MSRB3: variants seen among roughly 807,000 people sequenced by gnomAD.
MSRB3 encodes the protein methionine sulfoxide reductase B3, also known as methionine-R-sulfoxide reductase B3.
MSRB3 carries 13 observed loss-of-function variants against 21.0 expected under a neutral mutation model. That is an observed-to-expected ratio of 0.62 (90% CI 0.40 to 0.98). The LOEUF (loss-of-function observed/expected upper bound fraction) is 0.98. MSRB3 is among the 50% of genes least tolerant of loss of function. MSRB3 has a pLI of 0.00. For missense variants in MSRB3, 199 were observed against 230.3 expected (o/e 0.86, Z 0.88); for synonymous variants, 87 against 88.6 (o/e 0.98, Z 0.10).
At chr12:65,391,741 A>G (rs1879493575) in intron 5 of MSRB3, among the ~76,000 whole-genome samples, 1 of 152,222 alleles carries the variant, frequency 6.6e-6, no homozygotes, top group Non-Finnish European at 1.5e-5. Flanking sequence ...TTCACTAAAT[A>G]TTTTTAACCT....
intron 5 of MSRB3, among the ~76,000 whole-genome samples, chr12:65,428,954 C>A (rs1216281754): frequency 1.3e-5 from 2 of 152,070 alleles, no homozygotes; most frequent in African/African-American, 4.8e-5. Flanking sequence ...TAAAACAGCT[C>A]TCTTATGATT....
Position 65,349,729 on chromosome 12 carries a change from G to A in MSRB3, c.264-19269G>A, listed in dbSNP as rs1183322922. ...CTTCTTTTGAGAAGTGTCTGTTCATGTCCTTCACCCACTTTTTGATGGGGT... is the reference window on the plus strand; with the variant it reads ...CTTCTTTTGAGAAGTGTCTGTTCATATCCTTCACCCACTTTTTGATGGGGT... On this transcript the variant is annotated intron_variant, in intron 4 of 6. Transcript: ENST00000308259. 7.3e-5 allele frequency among the ~76,000 whole-genome samples: 11 copies of A among 150,386 alleles called. No homozygotes were observed. The East Asian group carries it at 7.7e-4, about 11-fold the overall frequency.
At chr12:65,337,313 A>G (rs1875840571) in intron 4 of MSRB3, among the ~76,000 whole-genome samples, 1 of 151,540 alleles carries the variant, frequency 6.6e-6, no homozygotes. Flanking sequence ...GCATGCCTGT[A>G]GTCTCAGCTA....
At chr12:65,304,171 T>C (rs1455846242) in intron 1 of MSRB3, among the ~76,000 whole-genome samples, 1 of 152,214 alleles carries the variant, frequency 6.6e-6, no homozygotes, top group Non-Finnish European at 1.5e-5. Context: ...CAGCCATATC[T>C]ATTGAAGACT....
intron 6 of MSRB3, among the ~76,000 whole-genome samples, chr12:65,455,581 T>C (rs1381496052): frequency 6.6e-6 from 1 of 152,160 alleles, no homozygotes; most frequent in Non-Finnish European, 1.5e-5. Context: ...TAAACTTGGG[T>C]CAGCTTATGT....
chr12:65,318,269 A>G (rs1874431944), intron 2 of MSRB3, among the ~76,000 whole-genome samples: 1 of 152,114 alleles, frequency 6.6e-6, no homozygotes, highest in Non-Finnish European at 1.5e-5. Flanking sequence ...TGAGTTTTTG[A>G]CAATATATAT....
chr12:65,278,693 C>A lies in MSRB3; in HGVS notation c.-224C>A. 2 of 1,314,832 alleles carry A rather than the reference C, an allele frequency of 1.5e-6. No homozygotes were observed. The highest frequency in any genetic ancestry group is 1.5e-5 in the African/African-American group (1 of 68,872). 81.4% of individuals were successfully genotyped at this position (1,314,832 alleles called of 1,614,324 possible). On this transcript the variant is annotated 5_prime_UTR_variant, in exon 1 of 7. Transcript: ENST00000308259. ...CAGGAATTTCCCGTCATGCCTCCCGCCGCCCCGTCCGTCGCCCGGAGCCGG... is the reference window on the plus strand; with the variant it reads ...CAGGAATTTCCCGTCATGCCTCCCGACGCCCCGTCCGTCGCCCGGAGCCGG...
rs538912347 is a variant in MSRB3 at position 65,327,162 on chromosome 12, A to G, written c.185+228A>G. On this transcript the variant is annotated intron_variant, in intron 3 of 6. Coordinates refer to ENST00000308259, the MANE Select transcript of MSRB3 (RefSeq NM_001031679.3). ...CTGCATATCTGATATAAAGTCACAA[A>G]GCTTTTGTTAAGGGCCTGTTTTTAG... Among the ~76,000 whole-genome samples the G allele has an allele frequency of 5.6e-4, 85 of 152,352 alleles. No individual in the cohort carries two copies. The Middle Eastern group carries it at 0.01, about 18-fold the overall frequency.
chr12:65,452,087 A>G (rs767998404), intron 5 of MSRB3, among the ~76,000 whole-genome samples: 1 of 152,176 alleles, frequency 6.6e-6, no homozygotes, highest in Non-Finnish European at 1.5e-5. Context: ...CTCCATACCT[A>G]TTTTGAACTC....
intron 5 of MSRB3, among the ~76,000 whole-genome samples, chr12:65,380,925 G>A (rs1010343503): frequency 1.3e-5 from 2 of 152,082 alleles, no homozygotes; most frequent in Admixed American, 1.3e-4. Context: ...TGCTTTTTTA[G>A]TCATACACCC....
At chr12:65,416,811 T>C (rs1881003298) in intron 5 of MSRB3, among the ~76,000 whole-genome samples, 1 of 152,206 alleles carries the variant, frequency 6.6e-6, no homozygotes, top group Non-Finnish European at 1.5e-5. Flanking sequence ...GTGACACTTA[T>C]GATAGGAATA....
intron 4 of MSRB3, among the ~76,000 whole-genome samples, chr12:65,348,421 C>T (rs1438512350): frequency 3.3e-5 from 5 of 152,052 alleles, no homozygotes; most frequent in Admixed American, 1.3e-4. Context: ...TCTGTGGGAT[C>T]GGTGGTGACA....
At chr12:65,366,853 G>A (rs1019301333) in intron 4 of MSRB3, among the ~76,000 whole-genome samples, 5 of 152,168 alleles carry the variant, frequency 3.3e-5, no homozygotes, top group African/African-American at 1.2e-4. Context: ...CTGGGAGTCT[G>A]CAGGTGAGCA....
At chr12:65,300,694 A>G (rs1016045930) in intron 1 of MSRB3, among the ~76,000 whole-genome samples, 4 of 152,212 alleles carry the variant, frequency 2.6e-5, no homozygotes, top group Non-Finnish European at 4.4e-5. Flanking sequence ...CTGAAGGTTT[A>G]GTTCTTCTTT....
intron 4 of MSRB3, among the ~76,000 whole-genome samples, chr12:65,342,182 A>G (rs544456488): frequency 2.0e-5 from 3 of 151,746 alleles, no homozygotes; most frequent in African/African-American, 7.3e-5. Flanking sequence ...CTATAGCTCA[A>G]AAACACCATA....
At chr12:65,435,679 G>C (rs1045000006) in intron 5 of MSRB3, among the ~76,000 whole-genome samples, 2 of 151,810 alleles carry the variant, frequency 1.3e-5, no homozygotes, top group African/African-American at 2.4e-5. Context: ...ATAACATTTT[G>C]TGGAGATTTC....
chr12:65,293,463 C>T (rs1872772572), intron 1 of MSRB3, among the ~76,000 whole-genome samples: 1 of 152,190 alleles, frequency 6.6e-6, no homozygotes, highest in African/African-American at 2.4e-5. Flanking sequence ...CACCACACTG[C>T]TCTTCTTTCC....
At chr12:65,328,862 A>G (rs775682460) in intron 4 of MSRB3, among the ~76,000 whole-genome samples, 3 of 152,250 alleles carry the variant, frequency 2.0e-5, no homozygotes, top group African/African-American at 4.8e-5. Context: ...GGTGCTTAGC[A>G]GAGCTGTGAA....
At chr12:65,371,203 C>G (rs1878298917) in intron 5 of MSRB3, among the ~76,000 whole-genome samples, 2 of 151,862 alleles carry the variant, frequency 1.3e-5, no homozygotes, top group Non-Finnish European at 2.9e-5. Flanking sequence ...TGGCACATGC[C>G]TGTAGTCCCA....
Sources: gnomAD v4.1 joint callset for allele counts (sites outside exome capture counted in the v4.1 genomes callset) on GRCh38, gnomAD v4.1.1 for gene constraint, MANE v1.5 for transcripts, NCBI Gene and HGNC (gene_info 2026-07-23, HGNC 2026-07-21) for gene names.